The following SNRPN variants were observed in gnomAD, a reference collection of about 807,000 sequenced individuals.
SNRPN encodes the protein small nuclear ribonucleoprotein polypeptide N, also known as small nuclear ribonucleoprotein-associated protein N.
In SNRPN, 7 loss-of-function variants were observed where a neutral mutation model predicts 25.2. That is an observed-to-expected ratio of 0.28 (90% CI 0.16 to 0.52). The LOEUF is 0.52. Among genes scored for constraint, SNRPN ranks in the 20% least tolerant of loss-of-function variants. The pLI is 0.96. For missense variants in SNRPN, 196 were observed against 322.5 expected, an observed-to-expected ratio of 0.61 and a Z score of 3.00; for synonymous variants, 124 against 110.6, an observed-to-expected ratio of 1.12 and a Z score of -0.76.
chr15:24,892,847 T>G (rs1566879682), intron 2 of SNRPN, among the ~76,000 whole-genome samples: 1 of 151,994 alleles, frequency 6.6e-6, no homozygotes, highest in Admixed American at 6.6e-5. Flanking sequence ...GAAAAGGCTT[T>G]TTGTCAATGG....
At chr15:24,848,796 G>C (rs1317601049) in intron 2 of SNRPN, 2 of 151,822 alleles carry the variant, frequency 1.3e-5, no homozygotes, top group Non-Finnish European at 2.9e-5. Context: ...GGGGCTTCAA[G>C]ATCAAACTTT....
At chr15:24,939,405 C>T (rs2061417071) in intron 3 of SNRPN, among the ~76,000 whole-genome samples, 3 of 152,024 alleles carry the variant, frequency 2.0e-5, no homozygotes, top group South Asian at 4.1e-4. Context: ...CTTATTAAGA[C>T]GTTTGCCCAT....
At chr15:24,957,351 C>T (rs1445628254) in intron 1 of SNRPN, among the ~76,000 whole-genome samples, 1 of 152,138 alleles carries the variant, frequency 6.6e-6, no homozygotes, top group Non-Finnish European at 1.5e-5. Context: ...AAAGTGGAGA[C>T]AATCTTATTG....
At chr15:24,943,160 G>A (rs2061663214) in intron 3 of SNRPN, among the ~76,000 whole-genome samples, 1 of 151,906 alleles carries the variant, frequency 6.6e-6, no homozygotes, top group Admixed American at 6.6e-5. Flanking sequence ...ATTGACCACG[G>A]CCTATAAATT....
intron 8 of SNRPN, 101 bp downstream of exon 8, chr15:24,978,017 C>G: frequency 8.0e-7 from 1 of 1,252,198 alleles, no homozygotes; most frequent in Non-Finnish European, 1.1e-6. Flanking sequence ...GGGGAATATG[C>G]TTCCTTCTTC....
intron 3 of SNRPN, among the ~76,000 whole-genome samples, chr15:24,923,049 G>A (rs1366147241): frequency 3.3e-5 from 5 of 151,950 alleles, no homozygotes; most frequent in Admixed American, 3.3e-4. Flanking sequence ...GGGACTACAG[G>A]CACCTGCCAC....
At chr15:24,870,710 C>T (rs1004786533) in intron 1 of SNRPN, among the ~76,000 whole-genome samples, 16 of 151,948 alleles carry the variant, frequency 1.1e-4, no homozygotes, top group African/African-American at 2.9e-4. Flanking sequence ...TTCTTTCCCC[C>T]GCCTCCCAGC....
intron 2 of SNRPN, among the ~76,000 whole-genome samples, chr15:24,908,467 CAGAATGTTAGAA>C (rs2058997364): frequency 6.6e-6 from 1 of 151,912 alleles, no homozygotes; most frequent in Non-Finnish European, 1.5e-5. Flanking sequence ...TGGTTGTGAA[CAGAATGTTAGAA>C]AGAATATGGA....
intron 2 of SNRPN, among the ~76,000 whole-genome samples, chr15:24,842,725 T>A (rs1260148062): frequency 6.6e-6 from 1 of 152,176 alleles, no homozygotes; most frequent in East Asian, 1.9e-4. Context: ...AGACAGTCCC[T>A]CCCTAGCTCA....
At position 24,972,004 on chromosome 15, in the gene SNRPN, C is replaced by T. The variant is rs553834827; in HGVS notation, c.-143-2307C>T. ...GGCGCAGTGGCTCATGCCTGTAATC[C>T]TAGCACTTGGGGAGGCTGAGGCCGG... On this transcript the variant is annotated intron_variant, in intron 3 of 9. Transcript: ENST00000390687. Among the ~76,000 whole-genome samples the T allele has an allele frequency of 2.0e-5, 3 of 152,248 alleles. No individual in the cohort carries two copies. In the South Asian group the frequency reaches 6.2e-4, roughly 32 times the overall value.
At chr15:24,851,971 A>G (rs1398791232), upstream of SNRPN, 1 of 152,222 alleles carries the variant, frequency 6.6e-6, no homozygotes, top group African/African-American at 2.4e-5. Flanking sequence ...ATTCTATCAC[A>G]TATGACTTTT....
intron 1 of SNRPN, among the ~76,000 whole-genome samples, chr15:24,873,763 G>A (rs1476624118): frequency 2.6e-5 from 4 of 151,966 alleles, no homozygotes; most frequent in Non-Finnish European, 5.9e-5. Flanking sequence ...TCTTTTTATG[G>A]TCTGAAATCA....
At chr15:24,956,220 TTC>T (rs2062845445) in intron 1 of SNRPN, among the ~76,000 whole-genome samples, 2 of 152,124 alleles carry the variant, frequency 1.3e-5, no homozygotes, top group Non-Finnish European at 2.9e-5. Flanking sequence ...TTTTCATTGT[TTC>T]TCTCTGTTGG....
Position 24,975,583 on chromosome 15 carries a change from A to C in SNRPN, c.155+74A>C. 3 of 1,274,608 alleles carry C rather than the reference A, an allele frequency of 2.4e-6. 1 individual carries two copies. In the South Asian group the frequency reaches 3.8e-5, roughly 16 times the overall value. 79.0% of individuals were successfully genotyped at this position (1,274,608 alleles called of 1,614,324 possible). On this transcript the variant is annotated intron_variant, in intron 5 of 9. Coordinates refer to ENST00000390687, the MANE Select transcript of SNRPN (RefSeq NM_003097.6). ...GGGAAGGCCAGAGCTGGAGTAAGGG[A>C]TTTCCGAGGGTAACTGAAGTAGTTA...
rs114037798 is a variant in SNRPN, at chr15:24,865,943, A to G, written c.-579+9227A>G. 9.0e-3 allele frequency among the ~76,000 whole-genome samples: 1,366 copies of G among 152,190 alleles called. 28 individuals carry two copies. The highest frequency in any genetic ancestry group is 0.03 in the African/African-American group (1,262 of 41,558). ...AGTCAGTTGGGGGGCTTAGGATTTTATTTTTAATTCTCATAGAGGAGTGTT... is the reference window on the plus strand; with the variant it reads ...AGTCAGTTGGGGGGCTTAGGATTTTGTTTTTAATTCTCATAGAGGAGTGTT... On this transcript the variant is annotated intron_variant, in intron 1 of 11. Transcript: ENST00000400097.
At chr15:24,957,680 T>G (rs953639781) in intron 1 of SNRPN, among the ~76,000 whole-genome samples, 2 of 152,236 alleles carry the variant, frequency 1.3e-5, no homozygotes, top group African/African-American at 4.8e-5. Context: ...AATCTATTTT[T>G]GGGTAGTTTT....
chr15:24,920,202 C>A (rs923881838), intron 3 of SNRPN: 6 of 152,162 alleles, frequency 3.9e-5, no homozygotes, highest in African/African-American at 1.2e-4. Context: ...TAGTCTGTGA[C>A]CTCCTCTGTT....
chr15:24,824,962 A>T (rs192258459), intron 1 of SNRPN, among the ~76,000 whole-genome samples: 1 of 152,200 alleles, frequency 6.6e-6, no homozygotes, highest in East Asian at 1.9e-4. Context: ...TGCAGGGTGG[A>T]TCTATGAGAT....
At chr15:24,854,331 A>G (rs2053179604), upstream of SNRPN, among the ~76,000 whole-genome samples, 1 of 152,226 alleles carries the variant, frequency 6.6e-6, no homozygotes. Flanking sequence ...AAAAACAATA[A>G]TGCATTTATT....
Sources: gnomAD v4.1 joint callset for allele counts (sites outside exome capture counted in the v4.1 genomes callset) on GRCh38, gnomAD v4.1.1 for gene constraint, MANE v1.5 for transcripts, NCBI Gene and HGNC (gene_info 2026-07-23, HGNC 2026-07-21) for gene names.